The following CRPPA variants were observed in gnomAD, a reference collection of about 807,000 sequenced individuals.
CRPPA encodes the protein CDP-L-ribitol pyrophosphorylase A.
Under a neutral mutation model 52.0 loss-of-function variants are expected in CRPPA, and 43 were observed. The ratio of observed to expected loss-of-function variants is 0.83; its 90% CI spans 0.65 to 1.07. CRPPA has a LOEUF of 1.07. CRPPA is among the 50% of genes least tolerant of loss of function. The pLI is 0.00. For missense variants in CRPPA, 629 were observed against 551.7 expected (o/e 1.14, Z -1.40); for synonymous variants, 250 against 203.5 (o/e 1.23, Z -1.94).
rs1014644618 is a variant in CRPPA at position 16,090,409 on chromosome 7, ATAAAT to A, written c.*1281_*1285del. On this transcript the variant is annotated 3_prime_UTR_variant, in exon 10 of 10. Transcript: ENST00000407010. ...CTAAGCCCTAATCTGTTTCAATAAAATAAATGTATGTTGGCTGGGTATGGTGGCTC... is the reference window on the plus strand; with the variant it reads ...CTAAGCCCTAATCTGTTTCAATAAAAGTATGTTGGCTGGGTATGGTGGCTC... The A allele has an allele frequency of 5.3e-5, 8 of 152,124 alleles. No homozygotes were observed. The highest frequency in any genetic ancestry group is 1.4e-4 in the African/African-American group (6 of 41,416). The allele number at this position is 152,124 out of a possible 1,614,324, so 9.4% of individuals were successfully genotyped here. A position where few individuals can be genotyped will look rare whatever the true frequency, so the allele number is the denominator to read the frequency against.
intron 9 of CRPPA, among the ~76,000 whole-genome samples, chr7:16,140,025 A>T (rs1209377148): frequency 1.3e-5 from 2 of 152,210 alleles, no homozygotes; most frequent in Non-Finnish European, 2.9e-5. Flanking sequence ...GTTAAAAAAA[A>T]GTCAAGTAAA....
chr7:16,306,110 T>G (rs1784905643), intron 4 of CRPPA, among the ~76,000 whole-genome samples: 1 of 152,222 alleles, frequency 6.6e-6, no homozygotes. Context: ...GTCTCTTCTA[T>G]TCTTGTACAG....
chr7:16,168,498 A>G (rs1781112243), intron 9 of CRPPA, among the ~76,000 whole-genome samples: 1 of 151,496 alleles, frequency 6.6e-6, no homozygotes, highest in African/African-American at 2.4e-5. Flanking sequence ...TGAATAAATT[A>G]GAACCTAAAA....
chr7:16,213,790 T>A (rs898017134), intron 9 of CRPPA, among the ~76,000 whole-genome samples: 7 of 152,136 alleles, frequency 4.6e-5, no homozygotes, highest in Non-Finnish European at 1.0e-4. Flanking sequence ...GGTAACTTTC[T>A]TATTTGTCCC....
intron 5 of CRPPA, among the ~76,000 whole-genome samples, chr7:16,283,073 G>A (rs752195076): frequency 6.6e-6 from 1 of 151,932 alleles, no homozygotes; most frequent in Non-Finnish European, 1.5e-5. Flanking sequence ...TTGTCCAAAA[G>A]TGATTCTGAT....
intron 9 of CRPPA, among the ~76,000 whole-genome samples, chr7:16,199,431 T>C (rs1421299321): frequency 6.6e-6 from 1 of 152,136 alleles, no homozygotes; most frequent in Non-Finnish European, 1.5e-5. Flanking sequence ...AAAATCTGTA[T>C]CAAAGAATAA....
intron 3 of CRPPA, among the ~76,000 whole-genome samples, chr7:16,330,485 A>G (rs1034307525): frequency 5.9e-5 from 9 of 152,212 alleles, no homozygotes; most frequent in Admixed American, 4.6e-4. Context: ...AGGCAGATTC[A>G]GAGAATCACA....
rs191568382 is a variant in CRPPA at position 16,315,034 on chromosome 7, A to G, written c.685-6407T>C. 3.5e-3 allele frequency among the ~76,000 whole-genome samples: 532 copies of G among 152,058 alleles called. 5 individuals are homozygous for G. Among genetic ancestry groups the G allele is most frequent in the African/African-American group, 0.012 (501 of 41,486 alleles). On this transcript the variant is annotated intron_variant, in intron 3 of 9. Coordinates refer to ENST00000407010, the MANE Select transcript of CRPPA (RefSeq NM_001101426.4). ...GTTATGTGTTTTACAGTTGCCCATG[A>G]TTCTTGGATATTCTGTTATTTCCTC...
chr7:16,324,112 T>C (rs566884741), intron 3 of CRPPA, among the ~76,000 whole-genome samples: 1 of 152,302 alleles, frequency 6.6e-6, no homozygotes, highest in African/African-American at 2.4e-5. Flanking sequence ...TTTAAATCAG[T>C]TGACCAAATG....
chr7:16,190,463 C>T (rs1781585929), intron 9 of CRPPA, among the ~76,000 whole-genome samples: 1 of 152,128 alleles, frequency 6.6e-6, no homozygotes, highest in African/African-American at 2.4e-5. Flanking sequence ...ACGCATTCAT[C>T]AATAGATTTA....
At chr7:16,362,565 G>C (rs192036303) in intron 3 of CRPPA, among the ~76,000 whole-genome samples, 40 of 152,138 alleles carry the variant, frequency 2.6e-4, no homozygotes, top group African/African-American at 8.9e-4. Context: ...AGTCAGAGAA[G>C]AAATTATCCA....
intron 9 of CRPPA, among the ~76,000 whole-genome samples, chr7:16,182,268 T>A (rs534668921): frequency 9.9e-4 from 151 of 152,024 alleles, no homozygotes; most frequent in Middle Eastern, 6.8e-3. Context: ...AGTAATAATT[T>A]TACTAATAAT....
chr7:16,397,258 G>A (rs901356527), intron 2 of CRPPA, among the ~76,000 whole-genome samples: 2 of 152,192 alleles, frequency 1.3e-5, no homozygotes, highest in Non-Finnish European at 2.9e-5. Flanking sequence ...ATGTACACAT[G>A]ACCAACACAA....
rs190362857 is a variant in CRPPA, at chr7:16,101,080, C to T, written c.1252-9281G>A. On this transcript the variant is annotated intron_variant, in intron 9 of 9. Coordinates refer to ENST00000407010, the MANE Select transcript of CRPPA (RefSeq NM_001101426.4). ...AGTATTTTATTGAGGATTTTTGCATCGATGTTCATCAGGGATATTGGCCTG... is the reference window on the plus strand; with the variant it reads ...AGTATTTTATTGAGGATTTTTGCATTGATGTTCATCAGGGATATTGGCCTG... Among the ~76,000 whole-genome samples, 440 of 152,178 alleles carry T rather than the reference C, an allele frequency of 2.9e-3. 2 individuals are homozygous for T. The highest frequency in any genetic ancestry group is 9.9e-3 in the African/African-American group (413 of 41,528).
intron 9 of CRPPA, among the ~76,000 whole-genome samples, chr7:16,098,157 T>A (rs1781971465): frequency 6.6e-6 from 1 of 152,222 alleles, no homozygotes; most frequent in Non-Finnish European, 1.5e-5. Flanking sequence ...TTTGGTGGAA[T>A]GCCATCTCAA....
intron 9 of CRPPA, among the ~76,000 whole-genome samples, chr7:16,106,481 C>A (rs1166273853): frequency 6.6e-6 from 1 of 152,164 alleles, no homozygotes; most frequent in East Asian, 1.9e-4. Context: ...CAGATCCCAG[C>A]CACCAGACAG....
intron 3 of CRPPA, among the ~76,000 whole-genome samples, chr7:16,358,427 C>T (rs909947268): frequency 1.3e-5 from 2 of 152,168 alleles, no homozygotes; most frequent in Admixed American, 6.5e-5. Flanking sequence ...GTACAATTAC[C>T]TTTCACGGGC....
In CRPPA at chr7:16,300,018, C is replaced by T. The variant is rs144680930; in HGVS notation, c.835+1403G>A. On this transcript the variant is annotated intron_variant, in intron 5 of 9. Transcript: ENST00000407010. The stretch of plus-strand genomic sequence containing the variant: ...TTCCTTGTGTTGAGGACACGACCGA[C>T]CACATCATCATTCAGCCGACTTTTC... Among the ~76,000 whole-genome samples the T allele has an allele frequency of 2.6e-5, 4 of 152,284 alleles. No homozygotes were observed. The East Asian group carries it at 7.7e-4, about 29-fold the overall frequency.
At position 16,286,044 on chromosome 7, in the gene CRPPA, AATATATATATATATAT is replaced by A. The variant is rs1175134468; in HGVS notation, c.836-7834_836-7819del. Among the ~76,000 whole-genome samples the A allele has an allele frequency of 3.6e-3, 45 of 12,544 alleles. 3 individuals carry two copies. The highest frequency in any genetic ancestry group is 6.9e-3 in the Admixed American group (4 of 582). 8.2% of individuals were successfully genotyped at this position (12,544 alleles called of 152,430 possible). ...TCAAAAAAAAAAAAAAAAAAATATA[AATATATATATATATAT>A]ATATATATATATATATATATAATAT... On this transcript the variant is annotated intron_variant, in intron 5 of 9. Transcript: ENST00000407010.
Sources: allele counts gnomAD v4.1 joint callset (sites outside exome capture counted in the v4.1 genomes callset), GRCh38; gene constraint gnomAD v4.1.1; transcripts MANE v1.5; gene names NCBI Gene and HGNC (gene_info 2026-07-23, HGNC 2026-07-21).